KIN: variants seen among roughly 807,000 people sequenced by gnomAD.
KIN encodes the protein DNA/RNA-binding protein KIN17.
Under a neutral mutation model 63.0 loss-of-function variants are expected in KIN, and 47 were observed. The ratio of observed to expected loss-of-function variants is 0.75; its 90% CI spans 0.59 to 0.95. The LOEUF (loss-of-function observed/expected upper bound fraction) is 0.95, where lower values mean the gene tolerates loss of function less well. Ranked by LOEUF, KIN falls within the 40% of genes least tolerant of loss-of-function variation. The probability of loss-of-function intolerance (pLI) is 0.00; values close to 1 mark genes in which losing one functional copy is unlikely to be tolerated. For missense variants in KIN, 408 were observed against 460.9 expected, an observed-to-expected ratio of 0.89 and a Z score of 1.05; for synonymous variants, 160 against 157.7, an observed-to-expected ratio of 1.01 and a Z score of -0.11.
At chr10:7,785,022 G>A (rs1297045314) in intron 1 of KIN, among the ~76,000 whole-genome samples, 2 of 152,092 alleles carry the variant, frequency 1.3e-5, no homozygotes, top group African/African-American at 2.4e-5. Context: ...GGCCGAGGCA[G>A]GAGGAGTGCT....
At chr10:7,783,335 T>A (rs950244293) in intron 1 of KIN, among the ~76,000 whole-genome samples, 160 bp from the exon 2 acceptor site, 7 of 152,108 alleles carry the variant, frequency 4.6e-5, no homozygotes, top group African/African-American at 1.4e-4. Flanking sequence ...TCAAAAAAAA[T>A]TTTTATAGAG....
intron 5 of KIN, among the ~76,000 whole-genome samples, 172 bp from the exon 6 acceptor site, chr10:7,775,971 G>C (rs1250133559): frequency 8.5e-5 from 13 of 152,246 alleles, no homozygotes; most frequent in African/African-American, 2.9e-4. Context: ...GCTCACACCT[G>C]TAATCCCAGC....
At chr10:7,758,638 A>G (rs1220851422) in intron 12 of KIN, among the ~76,000 whole-genome samples, 2 of 151,176 alleles carry the variant, frequency 1.3e-5, no homozygotes, top group African/African-American at 2.4e-5. Flanking sequence ...TGATAGCACT[A>G]TGAAATTAAT....
intron 9 of KIN, among the ~76,000 whole-genome samples, chr10:7,765,852 A>G (rs1219032714): frequency 6.6e-6 from 1 of 152,254 alleles, no homozygotes; most frequent in African/African-American, 2.4e-5. Context: ...TTATTAGTCT[A>G]TAAGCATGAA....
At chr10:7,765,541 T>C (rs945723876) in intron 9 of KIN, among the ~76,000 whole-genome samples, 2 of 152,220 alleles carry the variant, frequency 1.3e-5, no homozygotes, top group African/African-American at 2.4e-5. Context: ...TATTGTTAAA[T>C]GTTTAAAAAC....
chr10:7,754,043 A>C lies in KIN; in HGVS notation c.*2037T>G. 2.2e-6 allele frequency: 1 copy of C among 455,980 alleles called. No individual in the cohort carries two copies. The allele number at this position is 455,980 out of a possible 1,614,324, so 28.2% of individuals were successfully genotyped here. On this transcript the variant is annotated 3_prime_UTR_variant, in exon 13 of 13. Coordinates refer to ENST00000379562, the MANE Select transcript of KIN (RefSeq NM_012311.4). ...TTGTTTGAACTCTTGTAGAAGATCAACTCAGGCAAGGCGTGGTAGCTCACA... is the reference window on the plus strand; with the variant it reads ...TTGTTTGAACTCTTGTAGAAGATCACCTCAGGCAAGGCGTGGTAGCTCACA...
chr10:7,756,178 C>T (rs1382897247), intron 12 of KIN, 36 bp from the exon 13 acceptor site: 1 of 1,354,068 alleles, frequency 7.4e-7, no homozygotes, highest in Non-Finnish European at 1.0e-6. Flanking sequence ...AGGTTAAAAA[C>T]ACATATTCCT....
At chr10:7,777,964 A>T (rs1835814762) in intron 5 of KIN, among the ~76,000 whole-genome samples, 1 of 152,082 alleles carries the variant, frequency 6.6e-6, no homozygotes, top group African/African-American at 2.4e-5. Flanking sequence ...TTCACTGAGT[A>T]TTCCCTGTGC....
rs1836065004 is a variant in KIN at position 7,787,923 on chromosome 10, G to A, written c.11C>T (p.Ser4Leu). 6.2e-7 allele frequency: 1 copy of A among 1,612,796 alleles called. No individual in the cohort carries two copies. Among genetic ancestry groups the A allele is most frequent in the South Asian group, 1.1e-5 (1 of 91,052 alleles). The change falls in exon 1 of 13, where the codon TCG (serine) becomes TTG (leucine). Residue 4 changes from serine to leucine, a missense_variant. By Grantham distance (145) the Ser-to-Leu change is moderately radical (BLOSUM62 -2). Transcript: ENST00000379562. MGK[S>L]DFLTPKAIAN... ...GATAGCCTTGGGAGTAAGAAAATCC[G>A]ACTTCCCCATGGCGACCACGGCAGC...
intron 7 of KIN, among the ~76,000 whole-genome samples, chr10:7,772,589 A>T (rs1394123088): frequency 6.6e-6 from 1 of 152,202 alleles, no homozygotes; most frequent in Admixed American, 6.5e-5. Flanking sequence ...TATATAAGAG[A>T]TATAAATGCA....
intron 5 of KIN, among the ~76,000 whole-genome samples, chr10:7,778,634 G>T (rs1835829951): frequency 6.6e-6 from 1 of 152,152 alleles, no homozygotes; most frequent in Admixed American, 6.5e-5. Flanking sequence ...AGGTACTCAG[G>T]AGGCTGAGGC....
chr10:7,769,471 A>G, intron 7 of KIN, 126 bp from the exon 8 acceptor site: 1 of 920,792 alleles, frequency 1.1e-6, no homozygotes, highest in South Asian at 1.6e-5. Context: ...AGTGAAAACC[A>G]TGGAGTCCCT....
At position 7,752,143 on chromosome 10, in the gene KIN, A is replaced by C. The variant is rs905142061; in HGVS notation, c.*3937T>G. 6.6e-6 allele frequency: 1 copy of C among 152,104 alleles called. No individual in the cohort carries two copies. Among genetic ancestry groups the C allele is most frequent in the Non-Finnish European group, 1.5e-5 (1 of 68,006 alleles). 9.4% of individuals were successfully genotyped at this position (152,104 alleles called of 1,614,324 possible). On this transcript the variant is annotated 3_prime_UTR_variant, in exon 13 of 13. Transcript: ENST00000379562. The stretch of plus-strand genomic sequence containing the variant: ...TTAAAACAAAATGAGAAGACAGGCC[A>C]CTGACTGAGAGAAAATACTTGCAAA...
At chr10:7,781,750 CAAA>C (rs34969604) in intron 2 of KIN, among the ~76,000 whole-genome samples, 4 of 67,998 alleles carry the variant, frequency 5.9e-5, no homozygotes, top group African/African-American at 1.8e-4. Flanking sequence ...AAGACCCTGT[CAAA>C]AAAAAAAAAA....
intron 4 of KIN, 97 bp from the exon 5 acceptor site, chr10:7,779,116 A>C: frequency 2.1e-6 from 3 of 1,430,488 alleles, no homozygotes; most frequent in Non-Finnish European, 2.9e-6. Flanking sequence ...ATTCAAACAC[A>C]CACAAATCAG....
At chr10:7,772,596 T>C (rs990996660) in intron 7 of KIN, among the ~76,000 whole-genome samples, 4 of 152,184 alleles carry the variant, frequency 2.6e-5, no homozygotes, top group African/African-American at 9.6e-5. Flanking sequence ...GAGATATAAA[T>C]GCACAGGAGA....
chr10:7,775,406 C>G (rs1357690722), intron 6 of KIN, among the ~76,000 whole-genome samples: 1 of 152,232 alleles, frequency 6.6e-6, no homozygotes, highest in Non-Finnish European at 1.5e-5. Flanking sequence ...CAGAGATGCT[C>G]TCTGCCATCC....
At chr10:7,761,904 AG>A (rs1835442997) in intron 11 of KIN, among the ~76,000 whole-genome samples, 1 of 152,210 alleles carries the variant, frequency 6.6e-6, no homozygotes, top group South Asian at 2.1e-4. Context: ...TGGGAGGCTA[AG>A]GCAGGAGAAT....
chr10:7,787,045 C>T (rs1443642150), intron 1 of KIN, among the ~76,000 whole-genome samples: 1 of 150,808 alleles, frequency 6.6e-6, no homozygotes, highest in African/African-American at 2.4e-5. Context: ...AATCAACCAC[C>T]TCTTTAATGG....
Sources: allele counts gnomAD v4.1 joint callset (sites outside exome capture counted in the v4.1 genomes callset), GRCh38; gene constraint gnomAD v4.1.1; transcripts MANE v1.5; gene names NCBI Gene and HGNC (gene_info 2026-07-23, HGNC 2026-07-21).